HIP1: variants seen among roughly 807,000 people sequenced by gnomAD.
HIP1 encodes the protein huntingtin interacting protein 1, also known as huntingtin-interacting protein 1.
HIP1 carries 65 observed loss-of-function variants against 147.6 expected under a neutral mutation model. The observed-to-expected ratio is 0.44, with a 90% CI of 0.36 to 0.54. HIP1 has a LOEUF of 0.54. HIP1 is among the 20% of genes least tolerant of loss of function. The probability of loss-of-function intolerance (pLI) is 0.00; values close to 1 mark genes in which losing one functional copy is unlikely to be tolerated. For synonymous variants in HIP1, 479 were observed against 504.0 expected, an observed-to-expected ratio of 0.95 and a Z score of 0.67; for missense variants, 1,061 against 1,299.6, an observed-to-expected ratio of 0.82 and a Z score of 2.82.
intron 1 of HIP1, among the ~76,000 whole-genome samples, chr7:75,637,998 A>ACC (rs1798498489): frequency 3.8e-5 from 1 of 26,100 alleles, no homozygotes; most frequent in Admixed American, 5.2e-4. Flanking sequence ...CCCCCCACAC[A>ACC]CACACATACA....
chr7:75,688,906 C>T (rs1021522423), intron 1 of HIP1, among the ~76,000 whole-genome samples: 19 of 152,174 alleles, frequency 1.2e-4, no homozygotes, highest in African/African-American at 4.1e-4. Flanking sequence ...CCTCTGAGGT[C>T]CCCTGGCTCA....
At chr7:75,687,122 G>A (rs1800289352) in intron 1 of HIP1, among the ~76,000 whole-genome samples, 1 of 152,150 alleles carries the variant, frequency 6.6e-6, no homozygotes, top group South Asian at 2.1e-4. Flanking sequence ...CATTTGTACA[G>A]CACTTGACAG....
At chr7:75,587,453 A>G (rs1252036715) in intron 4 of HIP1, among the ~76,000 whole-genome samples, 1 of 152,224 alleles carries the variant, frequency 6.6e-6, no homozygotes, top group African/African-American at 2.4e-5. Context: ...AATTTTATTC[A>G]ACTTCTTAAA....
intron 19 of HIP1, among the ~76,000 whole-genome samples, chr7:75,555,138 G>T (rs1280143227): frequency 1.5e-5 from 2 of 131,750 alleles, no homozygotes; most frequent in Non-Finnish European, 3.1e-5. Context: ...AGTGAGCCAC[G>T]GCACTGCACT....
At position 75,578,287 on chromosome 7, in the gene HIP1, G is replaced by T. The variant is rs113596554; in HGVS notation, c.604+2950C>A. On this transcript the variant is annotated intron_variant, in intron 7 of 30. Transcript: ENST00000336926. ...GGTGAGAGCCATGGGGAGAGAGCTT[G>T]TGTCAGCCGAACTGCAACTTCTAGG... Among the ~76,000 whole-genome samples the T allele has an allele frequency of 8.3e-4, 126 of 152,350 alleles. 1 individual carries two copies. The highest frequency in any genetic ancestry group is 2.8e-3 in the African/African-American group (115 of 41,598).
chr7:75,640,395 C>T (rs1195214927), intron 1 of HIP1, among the ~76,000 whole-genome samples: 2 of 152,226 alleles, frequency 1.3e-5, no homozygotes, highest in African/African-American at 4.8e-5. Flanking sequence ...GCTTCCCATG[C>T]TGCCACGGGG....
At chr7:75,538,972 G>A (rs1347076409) in intron 30 of HIP1, among the ~76,000 whole-genome samples, 4 of 152,064 alleles carry the variant, frequency 2.6e-5, no homozygotes, top group Non-Finnish European at 5.9e-5. Flanking sequence ...GCCAGATCTC[G>A]ACTGACCACT....
chr7:75,586,616 G>A (rs1308619662), intron 5 of HIP1, 137 bp downstream of exon 5: 1 of 649,808 alleles, frequency 1.5e-6, no homozygotes, highest in Non-Finnish European at 2.8e-6. Context: ...TCACAGCTTG[G>A]GTACATGATG....
intron 1 of HIP1, among the ~76,000 whole-genome samples, chr7:75,693,787 G>A (rs1800535751): frequency 6.6e-6 from 1 of 151,182 alleles, no homozygotes; most frequent in Admixed American, 6.6e-5. Context: ...GAGGGAGGGA[G>A]GGAGGGGGAG....
At position 75,592,547 on chromosome 7, in the gene HIP1, C is replaced by T. The variant is rs144015686; in HGVS notation, c.185-33G>A. On this transcript the variant is annotated intron_variant, in intron 2 of 30. Transcript: ENST00000336926. ...GGGGTTATGGAAAACAACGGATGGGCTCTGCCAGTCACTGCAGGGGACTGA... is the reference window on the plus strand; with the variant it reads ...GGGGTTATGGAAAACAACGGATGGGTTCTGCCAGTCACTGCAGGGGACTGA... The T allele has an allele frequency of 2.0e-5, 32 of 1,602,222 alleles. No homozygotes were observed. In the East Asian group the frequency reaches 5.8e-4, roughly 29 times the overall value.
intron 1 of HIP1, among the ~76,000 whole-genome samples, chr7:75,607,045 T>C (rs932719135): frequency 2.0e-5 from 3 of 151,300 alleles, no homozygotes; most frequent in South Asian, 2.1e-4. Flanking sequence ...GCCTGGGCAA[T>C]AGAGCGAGAC....
intron 1 of HIP1, among the ~76,000 whole-genome samples, chr7:75,737,978 C>T (rs1359123559): frequency 6.6e-6 from 1 of 152,144 alleles, no homozygotes; most frequent in African/African-American, 2.4e-5. Flanking sequence ...ATCAATACAC[C>T]AGGCATTAAA....
intron 1 of HIP1, among the ~76,000 whole-genome samples, chr7:75,601,796 C>A (rs797039883): frequency 6.6e-6 from 1 of 152,020 alleles, no homozygotes; most frequent in South Asian, 2.1e-4. Context: ...TACTAACTGG[C>A]TCTTTGCAGA....
chr7:75,581,748 C>T (rs1554498635), intron 6 of HIP1, among the ~76,000 whole-genome samples: 1 of 152,200 alleles, frequency 6.6e-6, no homozygotes, highest in African/African-American at 2.4e-5. Context: ...CACTGCACTC[C>T]AGCCTGGGTA....
At chr7:75,635,384 C>T (rs979264021) in intron 1 of HIP1, among the ~76,000 whole-genome samples, 1 of 152,018 alleles carries the variant, frequency 6.6e-6, no homozygotes, top group Non-Finnish European at 1.5e-5. Flanking sequence ...TCAAGAGTCA[C>T]CTTAGGCCCA....
intron 1 of HIP1, among the ~76,000 whole-genome samples, chr7:75,720,505 T>C (rs1801467893): frequency 6.6e-6 from 1 of 152,180 alleles, no homozygotes; most frequent in African/African-American, 2.4e-5. Flanking sequence ...CTGAGCCTAC[T>C]CTGGCTCTAA....
At chr7:75,548,325 C>G (rs1214597423) in intron 23 of HIP1, among the ~76,000 whole-genome samples, 8 of 152,098 alleles carry the variant, frequency 5.3e-5, no homozygotes, top group Non-Finnish European at 1.2e-4. Flanking sequence ...CCACGCCTGG[C>G]CAGAACCCAG....
chr7:75,562,379 T>G (rs1795257571), intron 11 of HIP1, among the ~76,000 whole-genome samples: 1 of 152,178 alleles, frequency 6.6e-6, no homozygotes, highest in African/African-American at 2.4e-5. Context: ...AGCCTCCAAC[T>G]CCTGGCTCAA....
intron 1 of HIP1, among the ~76,000 whole-genome samples, chr7:75,665,876 G>C (rs1177484000): frequency 6.6e-6 from 1 of 152,040 alleles, no homozygotes; most frequent in African/African-American, 2.4e-5. Flanking sequence ...TTCCATTATA[G>C]CTTGTAGGTT....
Sources: allele counts gnomAD v4.1 joint callset (sites outside exome capture counted in the v4.1 genomes callset), GRCh38; gene constraint gnomAD v4.1.1; transcripts MANE v1.5; gene names NCBI Gene and HGNC (gene_info 2026-07-23, HGNC 2026-07-21).